Variants in GPR179 observed in about 807,000 individuals in gnomAD.
The protein encoded by GPR179 is G protein-coupled receptor 179, also known as probable G protein-coupled receptor 179.
In GPR179, 52 loss-of-function variants were observed where a neutral mutation model predicts 70.8. The ratio of observed to expected loss-of-function variants is 0.73; its 90% CI spans 0.59 to 0.93. The LOEUF is 0.93. Ranked by LOEUF, GPR179 falls within the 40% of genes least tolerant of loss-of-function variation. The pLI is 0.00. For synonymous variants in GPR179, 1,123 were observed against 1,169.0 expected (o/e 0.96, Z 0.80); for missense variants, 2,734 against 2,966.8 (o/e 0.92, Z 1.82).
intron 1 of GPR179, among the ~76,000 whole-genome samples, chr17:38,341,827 T>C (rs960650882): frequency 6.6e-6 from 1 of 151,664 alleles, no homozygotes; most frequent in African/African-American, 2.4e-5. Context: ...CCCTCAAGAG[T>C]TTTCCTTCCG....
chr17:38,338,370 T>C (rs1307502382), intron 2 of GPR179, among the ~76,000 whole-genome samples: 1 of 152,174 alleles, frequency 6.6e-6, no homozygotes, highest in Non-Finnish European at 1.5e-5. Flanking sequence ...AGATCTATTG[T>C]GGGGAGTGGC....
At position 38,327,237 on chromosome 17, in the gene GPR179, A is replaced by G. The variant is rs780858870; in HGVS notation, c.6332T>C (p.Val2111Ala). 1 of 1,614,034 alleles carries G rather than the reference A, an allele frequency of 6.2e-7. No homozygotes were observed. The highest frequency in any genetic ancestry group is 8.5e-7 in the Non-Finnish European group (1 of 1,180,012). ...CACTTCCCACAGACACACTTCCGCT[A>G]CCCTGGTCTCCACACTGCCTGCTGC... The part of the protein sequence containing the change: ...SEAAGSVETR[V>A]AEVCLWEVVE... The change falls in exon 11 of 11, where the codon GTA (valine) becomes GCA (alanine). Residue 2111 changes from valine to alanine, a missense_variant. By Grantham distance (64) the Val-to-Ala change is moderately conservative (BLOSUM62 0). Coordinates refer to ENST00000616987, the MANE Select transcript of GPR179 (RefSeq NM_001004334.4).
At position 38,329,737 on chromosome 17, in the gene GPR179, C is replaced by T. The variant is rs2037332690; in HGVS notation, c.3832G>A (p.Ala1278Thr). Residue 1278 changes from alanine to threonine, a missense_variant, in exon 11 of 11, where the codon GCA (alanine) becomes ACA (threonine). Ala to Thr is a moderately conservative substitution (Grantham distance 58). Transcript: ENST00000616987. ...ETSEGAPESR[A>T]LRQDPGDSQK... ...GAGTCACCTGGGTCTTGTCTTAGTG[C>T]CCTCGACTCTGGGGCTCCTTCACTC... The T allele has an allele frequency of 1.2e-6, 2 of 1,614,024 alleles. No homozygotes were observed. The highest frequency in any genetic ancestry group is 1.7e-6 in the Non-Finnish European group (2 of 1,180,046).
chr17:38,342,834 A>T (rs2037460266), intron 1 of GPR179, among the ~76,000 whole-genome samples, 162 bp downstream of exon 1: 1 of 152,246 alleles, frequency 6.6e-6, no homozygotes, highest in Non-Finnish European at 1.5e-5. Flanking sequence ...AGATTCCCAG[A>T]GCCGACTGTA....
intron 2 of GPR179, 76 bp downstream of exon 2, chr17:38,339,341 G>T: frequency 1.1e-6 from 1 of 883,722 alleles, no homozygotes; most frequent in Non-Finnish European, 1.9e-6. Context: ...GCTCCTGGGA[G>T]CTGCATGGTG....
At chr17:38,341,159 A>G (rs929321657) in intron 1 of GPR179, among the ~76,000 whole-genome samples, 2 of 152,152 alleles carry the variant, frequency 1.3e-5, no homozygotes, top group Non-Finnish European at 2.9e-5. Context: ...TTTCTCCAGT[A>G]TTATGAATGT....
In GPR179 at chr17:38,337,672, G is replaced by A. The variant is rs773004800; in HGVS notation, c.952C>T (p.Arg318Cys). The A allele has an allele frequency of 3.7e-6, 6 of 1,613,592 alleles. No individual in the cohort carries two copies. The highest frequency in any genetic ancestry group is 1.7e-5 in the Admixed American group (1 of 59,886). Residue 318 changes from arginine to cysteine, a missense_variant, in exon 3 of 11, where the codon CGC becomes TGC. Physicochemically the swap from Arg to Cys is radical, Grantham distance 180 (BLOSUM62 -3). Coordinates refer to ENST00000616987, the MANE Select transcript of GPR179 (RefSeq NM_001004334.4). ...QGFVLGRYLC[R>C]CRPGFYGASP... ...GCCCCGTAGAATCCAGGTCGGCAGCGGCAGAGGTAGCGGCCAAGAACAAAG... is the reference window on the plus strand; with the variant it reads ...GCCCCGTAGAATCCAGGTCGGCAGCAGCAGAGGTAGCGGCCAAGAACAAAG...
At chr17:38,332,736 A>G (rs2037370188) in intron 10 of GPR179, among the ~76,000 whole-genome samples, 1 of 152,222 alleles carries the variant, frequency 6.6e-6, no homozygotes, top group African/African-American at 2.4e-5. Context: ...CAGCCTCCTG[A>G]GTAGCTGGGA....
rs201149338 is a variant in GPR179 at position 38,329,188 on chromosome 17, C to A, written c.4381G>T (p.Glu1461Ter). The change falls in exon 11 of 11, where the codon GAA becomes TAA. Residue 1461 changes from glutamate (E) to a stop codon, truncating the protein, a stop_gained. Transcript: ENST00000616987. LOFTEE classifies it low-confidence loss of function (END_TRUNC). ...TCTCCTGCCTCCCACAGACACACTT[C>A]AGCAATGCCACTGCCCAAACTCCCT... is the stretch of plus-strand genomic sequence containing the variant. ...CSGSLGSGIA[E>*]VCLWEAGDAP... The A allele has an allele frequency of 5.6e-6, 9 of 1,613,866 alleles. No homozygotes were observed. The East Asian group carries it at 2.0e-4, about 36-fold the overall frequency.
Position 38,329,533 on chromosome 17 carries a change from T to C in GPR179, c.4036A>G (p.Lys1346Glu). Residue 1346 changes from lysine to glutamate, a missense_variant, in exon 11 of 11, where the codon AAA becomes GAA. By Grantham distance (56) the Lys-to-Glu change is moderately conservative. Transcript: ENST00000616987. ...APQDPGRIRDKSEAGDSVEAR... is the reference protein window; with the variant it reads ...APQDPGRIRDESEAGDSVEAR... ...TCCACACTGTCCCCCGCCTCAGATT[T>C]GTCTCTGATTCTGCCAGGGTCCTGA... is the stretch of plus-strand genomic sequence containing the variant. The C allele has an allele frequency of 1.2e-6, 2 of 1,614,082 alleles. No individual in the cohort carries two copies. Among genetic ancestry groups the C allele is most frequent in the Non-Finnish European group, 1.7e-6 (2 of 1,180,022 alleles).
At position 38,330,787 on chromosome 17, in the gene GPR179, G is replaced by C; in HGVS notation, c.2782C>G (p.Leu928Val). The part of the protein sequence containing the change: ...GRLHEEARRR[L>V]PHPPIRHQVS... ...TGGTGCCTGATGGGTGGATGAGGCA[G>C]CCTTCTCCTAGCCTCCTCATGAAGC... Residue 928 changes from leucine to valine, a missense_variant, in exon 11 of 11, where the codon CTG (leucine) becomes GTG (valine). By Grantham distance (32) the Leu-to-Val change is conservative. Coordinates refer to ENST00000616987, the MANE Select transcript of GPR179 (RefSeq NM_001004334.4). 1 of 1,597,492 alleles carries C rather than the reference G, an allele frequency of 6.3e-7. No homozygotes were observed. Among genetic ancestry groups the C allele is most frequent in the Non-Finnish European group, 8.5e-7 (1 of 1,170,288 alleles).
chr17:38,339,886 T>C (rs972245938), intron 1 of GPR179, among the ~76,000 whole-genome samples: 10 of 152,176 alleles, frequency 6.6e-5, no homozygotes, highest in Non-Finnish European at 1.0e-4. Context: ...ATAAAGAAAT[T>C]CTCTGGCCTG....
At chr17:38,338,011 C>G (rs1020301657) in intron 2 of GPR179, among the ~76,000 whole-genome samples, 2 of 152,206 alleles carry the variant, frequency 1.3e-5, no homozygotes, top group African/African-American at 4.8e-5. Context: ...GGACCCATTT[C>G]CTAGTGGCCA....
chr17:38,342,016 C>T (rs2037452772), intron 1 of GPR179, among the ~76,000 whole-genome samples: 1 of 152,120 alleles, frequency 6.6e-6, no homozygotes, highest in Non-Finnish European at 1.5e-5. Context: ...ACTCAGGAGG[C>T]TGAGGCAGGA....
intron 9 of GPR179, 25 bp downstream of exon 9, chr17:38,333,908 C>T (rs2037380569): frequency 6.4e-7 from 1 of 1,569,446 alleles, no homozygotes; most frequent in African/African-American, 1.4e-5. Flanking sequence ...GGGTCCACCT[C>T]ACAGGCAGGA....
At position 38,329,342 on chromosome 17, in the gene GPR179, G is replaced by T. The variant is rs1044242673; in HGVS notation, c.4227C>A (p.Thr1409=). The T allele has an allele frequency of 1.1e-5, 18 of 1,613,312 alleles. No homozygotes were observed. The highest frequency in any genetic ancestry group is 1.5e-5 in the Non-Finnish European group (18 of 1,179,810). ...GTTCTTTCCAAAAGGTTGCTTTCCT[G>T]GTTTTCTGCTTTTCCTGAGGGAGAT... ...VKDLPQEKQK[T]RKATFWKEQK... Residue 1409 remains threonine, a synonymous_variant, in exon 11 of 11, where the codon ACC becomes ACA. Transcript: ENST00000616987.
chr17:38,334,078 G>T lies in GPR179; in HGVS notation c.1785-40C>A. On this transcript the variant is annotated intron_variant, in intron 8 of 10. Transcript: ENST00000616987. The surrounding 1 kb of genome is among the most constrained non-coding windows in gnomAD (Gnocchi z 4.7). Reference sequence around the variant, plus strand: ...GGGCGCAGGTCATTACTGCAGGCAGGAGTTGCCTCTTCTGCTTTGCCTTCT... The same window carrying T: ...GGGCGCAGGTCATTACTGCAGGCAGTAGTTGCCTCTTCTGCTTTGCCTTCT... 1 of 1,393,046 alleles carries T rather than the reference G, an allele frequency of 7.2e-7. No homozygotes were observed. The highest frequency in any genetic ancestry group is 1.8e-4 in the Middle Eastern group (1 of 5,670). 86.3% of individuals were successfully genotyped at this position (1,393,046 alleles called of 1,614,324 possible).
chr17:38,342,938 T>C, intron 1 of GPR179, 58 bp downstream of exon 1: 1 of 1,501,286 alleles, frequency 6.7e-7, no homozygotes, highest in Non-Finnish European at 9.0e-7. Context: ...TGAGGGGACC[T>C]GTACTTCCTT....
chr17:38,343,595 A>C lies in GPR179; in HGVS notation c.195T>G (p.Ser65=). ...GAEAALAYLY[S]GDAQQLSQVN... ...CCTGTGATAGCTGCTGGGCATCTCC[A>C]GAGTAGAGATAAGCGAGGGCGGCCT... The change falls in exon 1 of 11, where the codon TCT becomes TCG. Residue 65 remains serine, a synonymous_variant. Transcript: ENST00000616987. The surrounding 1 kb of genome is among the most constrained non-coding windows in gnomAD (Gnocchi z 4.2). 1.2e-6 allele frequency: 2 copies of C among 1,613,740 alleles called. No individual in the cohort carries two copies. Among genetic ancestry groups the C allele is most frequent in the South Asian group, 2.2e-5 (2 of 91,080 alleles).
Sources: gnomAD v4.1 joint callset for allele counts (sites outside exome capture counted in the v4.1 genomes callset) on GRCh38, gnomAD v4.1.1 for gene constraint, Gnocchi (gnomAD v3.1) non-coding constraint, MANE v1.5 for transcripts, NCBI Gene and HGNC (gene_info 2026-07-23, HGNC 2026-07-21) for gene names.